Variants in ARHGAP6 observed in about 807,000 individuals in gnomAD.
ARHGAP6 encodes the protein Rho GTPase activating protein 6.
A neutral mutation model predicts 55.7 loss-of-function variants in ARHGAP6; 16 were observed. That is an observed-to-expected ratio of 0.29 (90% confidence interval 0.19 to 0.44). ARHGAP6 has a LOEUF of 0.44. ARHGAP6 is among the 20% of genes least tolerant of loss of function. The pLI is 1.00. For synonymous variants in ARHGAP6, 382 were observed against 360.9 expected (o/e 1.06, Z -0.66); for missense variants, 698 against 808.9 (o/e 0.86, Z 1.66).
chrX:11,256,290 G>A (rs1480144641), intron 1 of ARHGAP6, among the ~76,000 whole-genome samples: 1 of 112,096 alleles, frequency 8.9e-6, no homozygotes, highest in Non-Finnish European at 1.9e-5. Context: ...TTGGGAGGCC[G>A]AGGCAGGAGA....
At chrX:11,501,109 C>T (rs192583880) in intron 1 of ARHGAP6, among the ~76,000 whole-genome samples, 1 of 112,164 alleles carries the variant, frequency 8.9e-6, no homozygotes, top group Admixed American at 9.5e-5. Flanking sequence ...CACAGGAAAA[C>T]TGACATAGAC....
Position 11,157,196 on chromosome X carries a change from T to C in ARHGAP6, c.1810-570A>G, listed in dbSNP as rs964449426. Among the ~76,000 whole-genome samples the C allele has an allele frequency of 4.5e-5, 5 of 112,061 alleles. No homozygotes were observed. The Admixed American group carries it at 4.7e-4, about 11-fold the overall frequency. ...TCCTAGATCTCAGTTTGCTCACGTGTAAAATGGGGATAACAACAGTACTCA... is the reference window on the plus strand; with the variant it reads ...TCCTAGATCTCAGTTTGCTCACGTGCAAAATGGGGATAACAACAGTACTCA... On this transcript the variant is annotated intron_variant, in intron 9 of 12. Transcript: ENST00000337414.
chrX:11,664,235 C>A lies in ARHGAP6; in HGVS notation c.588+6G>T. 8.3e-7 allele frequency: 1 copy of A among 1,199,309 alleles called. No homozygotes were observed. On this transcript the variant is annotated splice_donor_region_variant and intron_variant, in intron 1 of 12. Coordinates refer to ENST00000337414, the MANE Select transcript of ARHGAP6 (RefSeq NM_013427.3). ...GGGCCGTGGGACGCGCAGCGCTGGT[C>A]CCTACCTCGGATTTCCACACGACGT...
At chrX:11,257,867 G>C (rs750639690) in intron 1 of ARHGAP6, among the ~76,000 whole-genome samples, 6 of 111,928 alleles carry the variant, frequency 5.4e-5, no homozygotes, top group African/African-American at 1.9e-4. Flanking sequence ...TGTTTCAATG[G>C]AGGCTTGAAA....
At chrX:11,591,185 C>T (rs994109289) in intron 1 of ARHGAP6, among the ~76,000 whole-genome samples, 4 of 107,166 alleles carry the variant, frequency 3.7e-5, no homozygotes, top group Non-Finnish European at 7.7e-5. Context: ...GAGCAAGACT[C>T]GTCTCAAAAA....
chrX:11,641,940 GA>G (rs961365230), intron 1 of ARHGAP6, among the ~76,000 whole-genome samples: 2 of 107,880 alleles, frequency 1.9e-5, no homozygotes, highest in East Asian at 2.9e-4. Flanking sequence ...TCTCCCCATG[GA>G]AAAAAAAATA....
Position 11,480,307 on chromosome X carries a change from C to T in ARHGAP6, c.588+183934G>A, listed in dbSNP as rs72612849. ...ATACGACATGGATGAACCTTAAAAA[C>T]ATTATGCTAAATGAAAAAAGCCAGA... is the stretch of plus-strand genomic sequence containing the variant. On this transcript the variant is annotated intron_variant, in intron 1 of 12. Coordinates refer to ENST00000337414, the MANE Select transcript of ARHGAP6 (RefSeq NM_013427.3). Among the ~76,000 whole-genome samples the T allele has an allele frequency of 1.6e-4, 18 of 111,455 alleles. No individual in the cohort carries two copies. In the East Asian group the frequency reaches 4.2e-3, roughly 26 times the overall value.
intron 1 of ARHGAP6, among the ~76,000 whole-genome samples, chrX:11,307,079 C>T (rs1187324857): frequency 9.0e-6 from 1 of 110,854 alleles, no homozygotes; most frequent in Non-Finnish European, 1.9e-5. Context: ...AACAAAGAAA[C>T]GCAAGTCCAG....
chrX:11,477,704 T>C (rs768682497), intron 1 of ARHGAP6, among the ~76,000 whole-genome samples: 10 of 111,741 alleles, frequency 8.9e-5, no homozygotes, highest in Non-Finnish European at 7.6e-5. Flanking sequence ...CACAAGGACA[T>C]GCATGAATCT....
intron 1 of ARHGAP6, among the ~76,000 whole-genome samples, chrX:11,652,691 G>T (rs778261494): frequency 9.0e-6 from 1 of 111,695 alleles, no homozygotes; most frequent in Admixed American, 9.5e-5. Flanking sequence ...CATGATGAAA[G>T]TTTCAGGGAG....
chrX:11,211,950 G>A (rs1024456033), intron 2 of ARHGAP6, among the ~76,000 whole-genome samples: 1 of 111,471 alleles, frequency 9.0e-6, no homozygotes, highest in East Asian at 2.8e-4. Context: ...TAAGAAGATA[G>A]TCCATGACCT....
At chrX:11,294,611 T>C (rs925321008) in intron 1 of ARHGAP6, among the ~76,000 whole-genome samples, 3 of 112,221 alleles carry the variant, frequency 2.7e-5, no homozygotes, top group Non-Finnish European at 5.6e-5. Flanking sequence ...AACAATGAAA[T>C]AGGCTGAGAG....
chrX:11,514,592 T>C lies in ARHGAP6; in HGVS notation c.588+149649A>G, dbSNP rs184657871. On this transcript the variant is annotated intron_variant, in intron 1 of 12. Coordinates refer to ENST00000337414, the MANE Select transcript of ARHGAP6 (RefSeq NM_013427.3). ...CCCTGAGAAGACAAATTGCCTCCAT[T>C]TGAGACCCAATGGCCTCTTATGCCT... is the stretch of plus-strand genomic sequence containing the variant. Among the ~76,000 whole-genome samples the C allele has an allele frequency of 2.4e-4, 27 of 110,495 alleles. 1 individual carries two copies. The highest frequency in any genetic ancestry group is 2.3e-3 in the Admixed American group (24 of 10,262).
intron 1 of ARHGAP6, among the ~76,000 whole-genome samples, chrX:11,286,198 A>G (rs2047919510): frequency 8.9e-6 from 1 of 111,911 alleles, no homozygotes; most frequent in Admixed American, 9.5e-5. Flanking sequence ...TATCTTTTAA[A>G]ATGTCTTTTT....
chrX:11,204,984 G>GTA (rs1335445420), intron 2 of ARHGAP6, among the ~76,000 whole-genome samples: 1 of 111,322 alleles, frequency 9.0e-6, no homozygotes, highest in Non-Finnish European at 1.9e-5. Context: ...GCTGCAGAAA[G>GTA]TAGCAGTTGC....
At chrX:11,182,322 A>G (rs1253641717) in intron 5 of ARHGAP6, among the ~76,000 whole-genome samples, 1 of 111,841 alleles carries the variant, frequency 8.9e-6, no homozygotes, top group African/African-American at 3.3e-5. Flanking sequence ...CCAGAATTTT[A>G]CGTTAAATGT....
chrX:11,629,511 G>A (rs1177981617), intron 1 of ARHGAP6, among the ~76,000 whole-genome samples: 1 of 110,201 alleles, frequency 9.1e-6, no homozygotes, highest in East Asian at 2.8e-4. Context: ...CATGATCCCT[G>A]ATCTAATAAA....
intron 1 of ARHGAP6, among the ~76,000 whole-genome samples, chrX:11,354,188 T>C (rs974158201): frequency 1.9e-5 from 2 of 107,310 alleles, no homozygotes; most frequent in Non-Finnish European, 3.8e-5. Context: ...GAGCAACACC[T>C]AGCCTACAAG....
At chrX:11,558,237 A>G (rs1240985888) in intron 1 of ARHGAP6, among the ~76,000 whole-genome samples, 5 of 111,822 alleles carry the variant, frequency 4.5e-5, no homozygotes, top group Non-Finnish European at 9.4e-5. Flanking sequence ...TATCCATAAC[A>G]TCTGGGCTTC....
Sources: allele counts gnomAD v4.1 joint callset (sites outside exome capture counted in the v4.1 genomes callset), GRCh38; gene constraint gnomAD v4.1.1; transcripts MANE v1.5; gene names NCBI Gene and HGNC (gene_info 2026-07-23, HGNC 2026-07-21).